The following ZDHHC14 variants were observed in gnomAD, a reference collection of about 807,000 sequenced individuals.
The protein encoded by ZDHHC14 is palmitoyltransferase ZDHHC14.
Under a neutral mutation model 47.7 loss-of-function variants are expected in ZDHHC14, and 16 were observed. The ratio of observed to expected loss-of-function variants is 0.34; its 90% CI spans 0.23 to 0.51. The LOEUF is 0.51. Among genes scored for constraint, ZDHHC14 ranks in the 20% least tolerant of loss-of-function variants. The pLI, the probability that ZDHHC14 is intolerant of heterozygous loss-of-function variation, is 0.97. For missense variants in ZDHHC14, 515 were observed against 662.5 expected (o/e 0.78, Z 2.44); for synonymous variants, 293 against 278.9 (o/e 1.05, Z -0.50).
At chr6:157,395,909 T>G (rs1777512745) in intron 1 of ZDHHC14, among the ~76,000 whole-genome samples, 1 of 152,184 alleles carries the variant, frequency 6.6e-6, no homozygotes, top group East Asian at 1.9e-4. Context: ...AATCGGTACT[T>G]GAGGCCTTTC....
intron 2 of ZDHHC14, among the ~76,000 whole-genome samples, chr6:157,560,300 C>T (rs1782655394): frequency 6.6e-6 from 1 of 152,206 alleles, no homozygotes; most frequent in Non-Finnish European, 1.5e-5. Context: ...TCTTCAAAAG[C>T]CTGTGGGGCA....
chr6:157,588,101 A>T (rs1009993935), intron 2 of ZDHHC14, among the ~76,000 whole-genome samples: 2 of 152,066 alleles, frequency 1.3e-5, no homozygotes, highest in African/African-American at 4.8e-5. Context: ...TACTAAAAAA[A>T]ACACAAAAAT....
At chr6:157,524,999 G>T (rs145556596) in intron 1 of ZDHHC14, among the ~76,000 whole-genome samples, 14 of 152,254 alleles carry the variant, frequency 9.2e-5, no homozygotes, top group Non-Finnish European at 2.1e-4. Flanking sequence ...TCTGGTTTAG[G>T]GTCTCCCACA....
At chr6:157,573,663 T>C (rs1228532862) in intron 2 of ZDHHC14, among the ~76,000 whole-genome samples, 4 of 152,336 alleles carry the variant, frequency 2.6e-5, no homozygotes, top group South Asian at 2.1e-4. Flanking sequence ...CTTAACCCCA[T>C]GCCCTTCCCA....
intron 1 of ZDHHC14, among the ~76,000 whole-genome samples, chr6:157,484,685 G>A (rs1399076186): frequency 6.6e-6 from 1 of 151,480 alleles, no homozygotes; most frequent in African/African-American, 2.4e-5. Context: ...ATTACCATGG[G>A]CGATTTTTGT....
intron 6 of ZDHHC14, 122 bp from the exon 7 acceptor site, chr6:157,647,137 A>G (rs1777592735): frequency 1.5e-6 from 1 of 683,274 alleles, no homozygotes; most frequent in African/African-American, 1.8e-5. Flanking sequence ...TAAGAAAAAT[A>G]CCTCCATTTC....
At chr6:157,467,245 TA>T (rs1361951555) in intron 1 of ZDHHC14, among the ~76,000 whole-genome samples, 2 of 152,162 alleles carry the variant, frequency 1.3e-5, no homozygotes, top group African/African-American at 4.8e-5. Flanking sequence ...GTTGTACAAC[TA>T]TCACTCTTCT....
intron 5 of ZDHHC14, 37 bp downstream of exon 5, chr6:157,632,919 T>C (rs1461976311): frequency 1.9e-6 from 3 of 1,609,308 alleles, no homozygotes; most frequent in South Asian, 2.2e-5. Context: ...ACGATGCTAA[T>C]GTGTTGAGTA....
At chr6:157,650,451 T>C (rs1031116758) in intron 7 of ZDHHC14, among the ~76,000 whole-genome samples, 6 of 152,026 alleles carry the variant, frequency 3.9e-5, no homozygotes, top group Non-Finnish European at 5.9e-5. Context: ...CAGAGCCTCA[T>C]TGGGCCGTGT....
intron 1 of ZDHHC14, among the ~76,000 whole-genome samples, chr6:157,406,020 T>A (rs996598135): frequency 6.6e-6 from 1 of 152,222 alleles, no homozygotes; most frequent in East Asian, 1.9e-4. Flanking sequence ...ATGCCACCCT[T>A]GACAATCATT....
intron 1 of ZDHHC14, among the ~76,000 whole-genome samples, chr6:157,384,216 G>A (rs1777269335): frequency 6.6e-6 from 1 of 152,218 alleles, no homozygotes; most frequent in South Asian, 2.1e-4. Flanking sequence ...CTCCATGGAG[G>A]ATGATGAATA....
chr6:157,579,859 A>G (rs897357342), intron 2 of ZDHHC14, among the ~76,000 whole-genome samples: 3 of 152,150 alleles, frequency 2.0e-5, no homozygotes, highest in Admixed American at 6.6e-5. Context: ...TTCCTCCTCT[A>G]TTCTTATCTG....
At chr6:157,482,274 T>C (rs1779650446) in intron 1 of ZDHHC14, among the ~76,000 whole-genome samples, 1 of 150,322 alleles carries the variant, frequency 6.7e-6, no homozygotes. Flanking sequence ...TTTTTTTTTT[T>C]TTTTGAGATG....
intron 3 of ZDHHC14, among the ~76,000 whole-genome samples, chr6:157,616,662 A>T (rs1784976471): frequency 6.6e-6 from 1 of 152,132 alleles, no homozygotes; most frequent in African/African-American, 2.4e-5. Context: ...GTGGAATCTC[A>T]GATGTATGCC....
intron 1 of ZDHHC14, among the ~76,000 whole-genome samples, chr6:157,429,312 T>A (rs548678405): frequency 3.3e-4 from 50 of 152,304 alleles, no homozygotes; most frequent in African/African-American, 1.1e-3. Context: ...ATAGAGTACG[T>A]CTCCTTTGAT....
At chr6:157,398,173 G>T (rs1777561846) in intron 1 of ZDHHC14, among the ~76,000 whole-genome samples, 1 of 151,810 alleles carries the variant, frequency 6.6e-6, no homozygotes, top group Non-Finnish European at 1.5e-5. Flanking sequence ...AGTAGAGTAT[G>T]GAAACAGGGA....
At chr6:157,501,297 T>C (rs1780187681) in intron 1 of ZDHHC14, among the ~76,000 whole-genome samples, 1 of 152,230 alleles carries the variant, frequency 6.6e-6, no homozygotes, top group Non-Finnish European at 1.5e-5. Context: ...ATATGGTTTC[T>C]AAATTTGTCT....
chr6:157,639,923 G>T (rs1327874046), intron 5 of ZDHHC14, among the ~76,000 whole-genome samples: 2 of 151,006 alleles, frequency 1.3e-5, no homozygotes, highest in African/African-American at 5.0e-5. Flanking sequence ...TGACCTGAAG[G>T]TCCTTTCTTT....
chr6:157,413,985 A>G (rs1163677376), intron 1 of ZDHHC14, among the ~76,000 whole-genome samples: 1 of 152,112 alleles, frequency 6.6e-6, no homozygotes, highest in Non-Finnish European at 1.5e-5. Flanking sequence ...TGCCCAGGCT[A>G]GAGTGCAGTG....
Sources: gnomAD v4.1 joint callset for allele counts (sites outside exome capture counted in the v4.1 genomes callset) on GRCh38, gnomAD v4.1.1 for gene constraint, MANE v1.5 for transcripts, NCBI Gene and HGNC (gene_info 2026-07-23, HGNC 2026-07-21) for gene names.